The following ODAD3 variants were observed in gnomAD, a reference collection of about 807,000 sequenced individuals.
ODAD3 encodes outer dynein arm docking complex subunit 3, also known as outer dynein arm-docking complex subunit 3.
A neutral mutation model predicts 70.9 loss-of-function variants in ODAD3; 57 were observed. That is an observed-to-expected ratio of 0.80 (90% CI 0.65 to 1.00). ODAD3 has a LOEUF of 1.00. Among genes scored for constraint, ODAD3 ranks in the 50% least tolerant of loss-of-function variants. ODAD3 has a pLI of 0.00. For missense variants in ODAD3, 797 were observed against 763.9 expected, an observed-to-expected ratio of 1.04 and a Z score of -0.51; for synonymous variants, 327 against 315.9, an observed-to-expected ratio of 1.04 and a Z score of -0.37.
intron 7 of ODAD3, among the ~76,000 whole-genome samples, chr19:11,425,481 GTGTATATATGTATATA>G (rs1182136668): frequency 2.9e-5 from 4 of 138,098 alleles, no homozygotes; most frequent in African/African-American, 8.1e-5. Context: ...GTATATATGT[GTGTATATATGTATATA>G]TGTATATATG....
At chr19:11,426,356 A>G (rs1969374174) in intron 6 of ODAD3, 90 bp from the exon 7 acceptor site, 1 of 1,606,866 alleles carries the variant, frequency 6.2e-7, no homozygotes, top group African/African-American at 1.3e-5. Context: ...GCGGGGGCGT[A>G]GGGGAAGCTC....
intron 1 of ODAD3, 97 bp downstream of exon 1, chr19:11,434,676 A>G (rs972183899): frequency 2.0e-6 from 3 of 1,474,448 alleles, no homozygotes; most frequent in Non-Finnish European, 2.7e-6. Context: ...GAAACGGTTT[A>G]CCTAGACTCA....
At chr19:11,429,491 A>G (rs1344132965) in intron 3 of ODAD3, among the ~76,000 whole-genome samples, 2 of 151,410 alleles carry the variant, frequency 1.3e-5, no homozygotes, top group African/African-American at 4.9e-5. Flanking sequence ...GCTCACTGCA[A>G]CTTCTGCCTC....
intron 8 of ODAD3, among the ~76,000 whole-genome samples, chr19:11,423,639 GA>G (rs747249496): frequency 1.3e-5 from 2 of 152,164 alleles, no homozygotes; most frequent in Non-Finnish European, 2.9e-5. Flanking sequence ...GGCGAGTGTA[GA>G]AATGACGGCG....
chr19:11,422,091 A>AT lies in ODAD3; in HGVS notation c.1435-260dup, dbSNP rs1482088341. Reference sequence around the variant, plus strand: ...AGGATTCGAGGGAGGCCATTGTGGGATGGCCTCCTGAAGAAATGGCCCTCT... The same window carrying AT: ...AGGATTCGAGGGAGGCCATTGTGGGATTGGCCTCCTGAAGAAATGGCCCTCT... On this transcript the variant is annotated intron_variant, in intron 10 of 12. Transcript: ENST00000356392. The surrounding 1 kb of genome is among the most constrained non-coding windows in gnomAD (Gnocchi z 4.6). Among the ~76,000 whole-genome samples the AT allele has an allele frequency of 7.2e-5, 11 of 152,236 alleles. No homozygotes were observed. The highest frequency in any genetic ancestry group is 2.6e-4 in the African/African-American group (11 of 41,556).
At chr19:11,426,592 G>A in intron 5 of ODAD3, 21 bp from the exon 6 acceptor site, 1 of 1,613,986 alleles carries the variant, frequency 6.2e-7, no homozygotes, top group African/African-American at 1.3e-5. Flanking sequence ...GTGGGGAGGG[G>A]TAGCGGAGAT....
intron 7 of ODAD3, among the ~76,000 whole-genome samples, chr19:11,424,270 G>A (rs986053094): frequency 1.3e-5 from 2 of 152,028 alleles, no homozygotes; most frequent in African/African-American, 4.8e-5. Context: ...TTAGGAGGCT[G>A]AGGCGGGAGG....
At chr19:11,425,413 A>ATATG (rs1179559936) in intron 7 of ODAD3, among the ~76,000 whole-genome samples, 1 of 141,968 alleles carries the variant, frequency 7.0e-6, no homozygotes, top group Non-Finnish European at 1.5e-5. Context: ...ATATATACAT[A>ATATG]TATGTGTATA....
At chr19:11,424,331 C>T (rs1393952427) in intron 7 of ODAD3, among the ~76,000 whole-genome samples, 2 of 151,706 alleles carry the variant, frequency 1.3e-5, no homozygotes, top group African/African-American at 2.4e-5. Flanking sequence ...CGGCGAGACC[C>T]CGTCTCTACA....
chr19:11,428,201 G>C (rs1969427275), intron 3 of ODAD3, among the ~76,000 whole-genome samples: 2 of 151,802 alleles, frequency 1.3e-5, no homozygotes, highest in African/African-American at 4.8e-5. Flanking sequence ...CTCCCAAAGT[G>C]CTGAGATTAC....
chr19:11,425,888 G>A (rs1255916736), intron 7 of ODAD3, among the ~76,000 whole-genome samples: 1 of 151,318 alleles, frequency 6.6e-6, no homozygotes, highest in African/African-American at 2.4e-5. Flanking sequence ...ATGGGTAGGG[G>A]GGTCACTGAG....
Position 11,430,971 on chromosome 19 carries a change from C to T in ODAD3, c.294G>A (p.Lys98=). The change falls in exon 2 of 13, where the codon AAG becomes AAA. Residue 98 remains lysine (K), a synonymous_variant. Coordinates refer to ENST00000356392, the MANE Select transcript of ODAD3 (RefSeq NM_145045.5). ...GGAGCTGACTGATGGTCTCCTGGTT[C>T]TTCTTGATGTTCCACTGAGAGCTCT... ...FFESSQWNIK[K]NQETISQLRK... is the part of the protein sequence containing the mutation. The T allele has an allele frequency of 6.2e-7, 1 of 1,614,032 alleles. No individual in the cohort carries two copies. Among genetic ancestry groups the T allele is most frequent in the Non-Finnish European group, 8.5e-7 (1 of 1,180,024 alleles).
At position 11,422,735 on chromosome 19, in the gene ODAD3, C is replaced by A; in HGVS notation, c.1243G>T (p.Asp415Tyr). ...EKQQLQRELE[D>Y]LKYSGEATLV... ...GTGGCCTCCCCCGAGTACTTGAGGT[C>A]TTCCAGCTCCCGCTGCAGTTGTTGC... The change falls in exon 9 of 13, where the codon GAC becomes TAC. Residue 415 changes from aspartate (D) to tyrosine (Y), a missense_variant. Physicochemically the swap from Asp to Tyr is radical, Grantham distance 160. Coordinates refer to ENST00000356392, the MANE Select transcript of ODAD3 (RefSeq NM_145045.5). The surrounding 1 kb of genome is among the most constrained non-coding windows in gnomAD (Gnocchi z 4.6). The A allele has an allele frequency of 1.2e-6, 2 of 1,612,790 alleles. No homozygotes were observed. The highest frequency in any genetic ancestry group is 1.1e-5 in the South Asian group (1 of 91,090).
At chr19:11,434,738 C>A in intron 1 of ODAD3, 35 bp downstream of exon 1, 5 of 1,579,820 alleles carry the variant, frequency 3.2e-6, no homozygotes, top group Non-Finnish European at 3.5e-6. Flanking sequence ...GCACTGTTGA[C>A]CCCTGACCCT....
intron 7 of ODAD3, among the ~76,000 whole-genome samples, chr19:11,425,204 T>C (rs945465046): frequency 2.8e-5 from 4 of 140,498 alleles, no homozygotes; most frequent in Non-Finnish European, 4.5e-5. Context: ...TATGTGTATG[T>C]GTACATATGT....
upstream of ODAD3, chr19:11,435,589 G>T: frequency 1.1e-6 from 1 of 929,918 alleles, no homozygotes; most frequent in African/African-American, 1.7e-5. Context: ...CGTTCCCGGT[G>T]CGGAACGTAC....
intron 1 of ODAD3, among the ~76,000 whole-genome samples, chr19:11,433,388 A>G (rs1969542706): frequency 6.6e-6 from 1 of 152,212 alleles, no homozygotes; most frequent in African/African-American, 2.4e-5. Context: ...GACATTGCCA[A>G]ATGGCCCCTG....
At chr19:11,423,292 T>C (rs1189955469) in intron 8 of ODAD3, among the ~76,000 whole-genome samples, 1 of 152,110 alleles carries the variant, frequency 6.6e-6, no homozygotes, top group Non-Finnish European at 1.5e-5. Flanking sequence ...TGTACTCCTA[T>C]AGGTGGGAGT....
chr19:11,429,789 C>T (rs1003727252), intron 3 of ODAD3, among the ~76,000 whole-genome samples: 1 of 151,862 alleles, frequency 6.6e-6, no homozygotes, highest in Non-Finnish European at 1.5e-5. Flanking sequence ...CCACCCGCCT[C>T]GGTTTCCCAA....
Sources: gnomAD v4.1 joint callset for allele counts (sites outside exome capture counted in the v4.1 genomes callset) on GRCh38, gnomAD v4.1.1 for gene constraint, Gnocchi (gnomAD v3.1) non-coding constraint, MANE v1.5 for transcripts, NCBI Gene and HGNC (gene_info 2026-07-23, HGNC 2026-07-21) for gene names.